Variants in RPS6KC1 observed in about 807,000 individuals in gnomAD.
RPS6KC1 encodes ribosomal protein S6 kinase C1, also known as inactive ribosomal protein S6 kinase delta-1.
In RPS6KC1, 54 loss-of-function variants were observed where a neutral mutation model predicts 103.8. The ratio of observed to expected loss-of-function variants is 0.52; its 90% confidence interval spans 0.42 to 0.65. RPS6KC1 has a LOEUF of 0.65. Ranked by LOEUF, RPS6KC1 falls within the 30% of genes least tolerant of loss-of-function variation. RPS6KC1 has a pLI of 0.00. For missense variants in RPS6KC1, 1,151 were observed against 1,253.8 expected (o/e 0.92, Z 1.24); for synonymous variants, 439 against 438.7 (o/e 1.00, Z -0.01).
chr1:213,615,160 G>T, the RPS6KC1 span, among the ~76,000 whole-genome samples: 7 of 152,176 alleles, frequency 4.6e-5, no homozygotes, highest in Admixed American at 4.6e-4. Context: ...ACATTCTGTT[G>T]ACAGGTCACA....
At chr1:213,253,505 G>A (rs967662960) in intron 12 of RPS6KC1, among the ~76,000 whole-genome samples, 1 of 152,110 alleles carries the variant, frequency 6.6e-6, no homozygotes, top group Non-Finnish European at 1.5e-5. Context: ...TTATGGAAAC[G>A]TTTTCGATTA....
At chr1:213,831,109 A>G in the RPS6KC1 span, among the ~76,000 whole-genome samples, 5 of 151,676 alleles carry the variant, frequency 3.3e-5, no homozygotes, top group East Asian at 1.9e-4. Context: ...GCCACCTTCA[A>G]CTCCCCAGCT....
At chr1:213,511,264 A>G in the RPS6KC1 span, among the ~76,000 whole-genome samples, 13,172 of 152,110 alleles carry the variant, frequency 0.087, 1,174 homozygotes, top group African/African-American at 0.23. Flanking sequence ...CTGAAAGACT[A>G]TGCAAGTGTG....
chr1:213,723,301 TTGCTAGGGC>T, the RPS6KC1 span, among the ~76,000 whole-genome samples: 2 of 152,238 alleles, frequency 1.3e-5, no homozygotes, highest in African/African-American at 4.8e-5. Context: ...CTGTATTTGT[TTGCTAGGGC>T]TGCCATAACA....
chr1:213,711,884 A>C, the RPS6KC1 span, among the ~76,000 whole-genome samples: 1 of 152,160 alleles, frequency 6.6e-6, no homozygotes, highest in Non-Finnish European at 1.5e-5. Context: ...CTTCCTCAGG[A>C]AGCTTCGTCC....
At chr1:213,808,931 G>C in the RPS6KC1 span, among the ~76,000 whole-genome samples, 1 of 152,122 alleles carries the variant, frequency 6.6e-6, no homozygotes, top group Non-Finnish European at 1.5e-5. Flanking sequence ...GGCTCCTCCT[G>C]GTGGTTTTAC....
chr1:213,170,548 T>A (rs757674608), intron 7 of RPS6KC1, among the ~76,000 whole-genome samples: 1 of 152,222 alleles, frequency 6.6e-6, no homozygotes, highest in Non-Finnish European at 1.5e-5. Context: ...GTTACACTGG[T>A]AAGAGCCATC....
At chr1:213,343,110 G>T in the RPS6KC1 span, among the ~76,000 whole-genome samples, 1 of 151,198 alleles carries the variant, frequency 6.6e-6, no homozygotes, top group Non-Finnish European at 1.5e-5. Flanking sequence ...AAAAAGAGGA[G>T]AAATCAAACA....
At chr1:213,749,998 C>T in the RPS6KC1 span, among the ~76,000 whole-genome samples, 2 of 152,336 alleles carry the variant, frequency 1.3e-5, no homozygotes, top group East Asian at 3.9e-4. Flanking sequence ...GACTTATCTT[C>T]CCAAAGATGA....
the RPS6KC1 span, among the ~76,000 whole-genome samples, chr1:213,706,119 C>G: frequency 6.6e-6 from 1 of 152,172 alleles, no homozygotes; most frequent in Non-Finnish European, 1.5e-5. Context: ...CTATGGCCCC[C>G]AGTCCACTAA....
the RPS6KC1 span, among the ~76,000 whole-genome samples, chr1:213,675,822 A>G: frequency 1.3e-5 from 2 of 152,222 alleles, no homozygotes; most frequent in Non-Finnish European, 1.5e-5. Context: ...GGTGGTAGTG[A>G]GCCAAGATGG....
At chr1:213,691,218 G>A in the RPS6KC1 span, among the ~76,000 whole-genome samples, 2 of 152,132 alleles carry the variant, frequency 1.3e-5, no homozygotes, top group Admixed American at 6.5e-5. Context: ...TAAAACTGGC[G>A]ATCTCAGCTT....
the RPS6KC1 span, among the ~76,000 whole-genome samples, chr1:213,790,006 T>C: frequency 6.6e-6 from 1 of 152,160 alleles, no homozygotes; most frequent in Admixed American, 6.5e-5. Context: ...CAAAACATTA[T>C]AGTCTAAAAG....
chr1:213,750,573 C>T, the RPS6KC1 span, among the ~76,000 whole-genome samples: 1 of 152,142 alleles, frequency 6.6e-6, no homozygotes. Context: ...CACAGTGGCT[C>T]CAAGTTGCTA....
chr1:213,175,674 AT>A (rs2091817600), intron 7 of RPS6KC1, among the ~76,000 whole-genome samples: 1 of 152,012 alleles, frequency 6.6e-6, no homozygotes, highest in South Asian at 2.1e-4. Flanking sequence ...CTTCCTTCCT[AT>A]GTTCACTGAT....
At chr1:213,224,776 TC>T (rs2093919778) in intron 8 of RPS6KC1, among the ~76,000 whole-genome samples, 2 of 152,216 alleles carry the variant, frequency 1.3e-5, no homozygotes, top group Admixed American at 1.3e-4. Flanking sequence ...GCTGACAGTT[TC>T]ATTACAGATT....
At chr1:213,661,008 G>A in the RPS6KC1 span, among the ~76,000 whole-genome samples, 14 of 152,144 alleles carry the variant, frequency 9.2e-5, no homozygotes, top group Admixed American at 5.9e-4. Flanking sequence ...AGTTTCCACA[G>A]CCTTCCCGAG....
chr1:213,564,377 T>C, the RPS6KC1 span, among the ~76,000 whole-genome samples: 1 of 152,216 alleles, frequency 6.6e-6, no homozygotes, highest in African/African-American at 2.4e-5. Flanking sequence ...CCTTGACAGA[T>C]GGCTTAGTGT....
chr1:213,120,620 G>A (rs1436587303), intron 5 of RPS6KC1, among the ~76,000 whole-genome samples: 4 of 152,064 alleles, frequency 2.6e-5, no homozygotes, highest in Non-Finnish European at 5.9e-5. Flanking sequence ...TTGTGTTTTG[G>A]ATTTAGAGCT....
Sources: gnomAD v4.1 joint callset for allele counts (sites outside exome capture counted in the v4.1 genomes callset) on GRCh38, gnomAD v4.1.1 for gene constraint, MANE v1.5 for transcripts, NCBI Gene and HGNC (gene_info 2026-07-23, HGNC 2026-07-21) for gene names.